Variants in KPNA1 observed in about 807,000 individuals in gnomAD.
KPNA1 encodes importin subunit alpha-5.
KPNA1 carries 10 observed loss-of-function variants against 70.5 expected under a neutral mutation model. The ratio of observed to expected loss-of-function variants is 0.14; its 90% CI spans 0.09 to 0.24. The LOEUF (loss-of-function observed/expected upper bound fraction) is 0.24. Ranked by LOEUF, KPNA1 falls within the 10% of genes least tolerant of loss-of-function variation. The pLI is 1.00. For synonymous variants in KPNA1, 192 were observed against 221.9 expected (o/e 0.87, Z 1.20); for missense variants, 397 against 637.9 (o/e 0.62, Z 4.07).
intron 9 of KPNA1, among the ~76,000 whole-genome samples, chr3:122,445,787 A>G (rs1171365457): frequency 6.6e-6 from 1 of 152,244 alleles, no homozygotes; most frequent in East Asian, 1.9e-4. Context: ...TCTCACGTGC[A>G]GAGACACACA....
intron 2 of KPNA1, among the ~76,000 whole-genome samples, chr3:122,496,048 C>A (rs904635094): frequency 6.6e-6 from 1 of 152,158 alleles, no homozygotes; most frequent in East Asian, 1.9e-4. Context: ...TATATTTTTA[C>A]ATTTCCAATT....
chr3:122,432,396 A>G (rs1269868349), intron 12 of KPNA1: 2 of 152,178 alleles, frequency 1.3e-5, no homozygotes, highest in African/African-American at 2.4e-5. Context: ...TTTCAGGTAC[A>G]TATTTCTTAT....
chr3:122,444,770 T>A (rs2076114020), intron 9 of KPNA1, among the ~76,000 whole-genome samples: 1 of 151,994 alleles, frequency 6.6e-6, no homozygotes, highest in Admixed American at 6.6e-5. Flanking sequence ...GGGTCTGGAG[T>A]GGACCTCCAG....
At chr3:122,510,717 G>A (rs538651742) in intron 1 of KPNA1, among the ~76,000 whole-genome samples, 1 of 152,202 alleles carries the variant, frequency 6.6e-6, no homozygotes, top group East Asian at 1.9e-4. Context: ...AGCAATAAAA[G>A]CAAGTCACTG....
chr3:122,437,142 AAAGAG>A (rs1218518270), intron 11 of KPNA1, 23 bp downstream of exon 11: 6 of 1,592,562 alleles, frequency 3.8e-6, no homozygotes, highest in Non-Finnish European at 5.1e-6. Flanking sequence ...AAAAATACTG[AAAGAG>A]AAGTTAGGTC....
At chr3:122,513,797 T>C (rs1382963633) in intron 1 of KPNA1, among the ~76,000 whole-genome samples, 1 of 152,172 alleles carries the variant, frequency 6.6e-6, no homozygotes, top group Non-Finnish European at 1.5e-5. Context: ...CTGGGTGTGG[T>C]TGCCCAAGAC....
At chr3:122,435,113 A>G (rs2075967348) in intron 11 of KPNA1, among the ~76,000 whole-genome samples, 2 of 152,184 alleles carry the variant, frequency 1.3e-5, no homozygotes, top group Middle Eastern at 3.2e-3. Flanking sequence ...TCATCTTTTT[A>G]TTCAAATTTT....
rs2075831359 is a variant in KPNA1, at chr3:122,426,979, A to G, written c.*6T>C. 1.9e-6 allele frequency: 3 copies of G among 1,612,762 alleles called. No homozygotes were observed. On this transcript the variant is annotated 3_prime_UTR_variant, in exon 14 of 14. Coordinates refer to ENST00000344337, the MANE Select transcript of KPNA1 (RefSeq NM_002264.4). ...TGACACAGGTACGTGAAAGCAGAGT[A>G]TTGCTTCAAAGCTGGAAACCTTCCA...
intron 12 of KPNA1, among the ~76,000 whole-genome samples, chr3:122,430,485 TTAAG>T (rs1260530816): frequency 6.8e-6 from 1 of 147,762 alleles, no homozygotes; most frequent in East Asian, 2.0e-4. Flanking sequence ...ATCAATGACA[TTAAG>T]TGAGGACTTC....
chr3:122,501,094 T>C (rs918863917), intron 1 of KPNA1, among the ~76,000 whole-genome samples: 2 of 150,346 alleles, frequency 1.3e-5, no homozygotes, highest in Non-Finnish European at 3.0e-5. Context: ...AGTGGCATGA[T>C]CTCGGCTCAC....
At chr3:122,431,251 T>C (rs909112276) in intron 12 of KPNA1, among the ~76,000 whole-genome samples, 1 of 152,190 alleles carries the variant, frequency 6.6e-6, no homozygotes, top group Admixed American at 6.5e-5. Flanking sequence ...AACCAACCTC[T>C]GCCTCCTGGG....
intron 1 of KPNA1, among the ~76,000 whole-genome samples, chr3:122,499,962 A>G (rs1358936198): frequency 6.6e-6 from 1 of 152,168 alleles, no homozygotes; most frequent in Admixed American, 6.5e-5. Context: ...CTTTGCGGGC[A>G]GTTCTGTGAC....
intron 3 of KPNA1, among the ~76,000 whole-genome samples, chr3:122,465,578 C>A (rs985163327): frequency 6.6e-6 from 1 of 152,192 alleles, no homozygotes; most frequent in Non-Finnish European, 1.5e-5. Flanking sequence ...AAGTCAAGAA[C>A]CATCCATACA....
intron 1 of KPNA1, among the ~76,000 whole-genome samples, chr3:122,503,283 AATAAATG>A (rs1338979733): frequency 6.6e-6 from 1 of 152,114 alleles, no homozygotes; most frequent in African/African-American, 2.4e-5. Flanking sequence ...AGAAAGAAAG[AATAAATG>A]ATAAATAAGG....
intron 2 of KPNA1, among the ~76,000 whole-genome samples, chr3:122,490,237 A>C (rs2076682450): frequency 1.3e-5 from 2 of 152,238 alleles, no homozygotes; most frequent in Admixed American, 1.3e-4. Flanking sequence ...TGGTCTTCAC[A>C]GACTCTGAGC....
chr3:122,502,668 A>G (rs1190852073), intron 1 of KPNA1, among the ~76,000 whole-genome samples: 1 of 152,232 alleles, frequency 6.6e-6, no homozygotes, highest in Non-Finnish European at 1.5e-5. Context: ...TGGGTGTAAT[A>G]CGGATGAGAA....
chr3:122,489,124 A>T lies in KPNA1; in HGVS notation c.129+7313T>A, dbSNP rs567409498. On this transcript the variant is annotated intron_variant, in intron 2 of 13. Transcript: ENST00000344337. The stretch of plus-strand genomic sequence containing the variant: ...GGGTGGGTTATTTTACCTCTTTTTC[A>T]TTCTTGATGGTTTCTATTCCTATGC... Among the ~76,000 whole-genome samples the T allele has an allele frequency of 8.1e-4, 118 of 145,428 alleles. 2 individuals carry two copies. Among genetic ancestry groups the T allele is most frequent in the Non-Finnish European group, 1.6e-3 (103 of 66,272 alleles).
chr3:122,509,983 AAAGG>A (rs1272969141), intron 1 of KPNA1, among the ~76,000 whole-genome samples: 1 of 152,318 alleles, frequency 6.6e-6, no homozygotes, highest in East Asian at 1.9e-4. Context: ...AGATTGGGGT[AAAGG>A]AAGATCACAT....
chr3:122,463,115 G>A (rs1179931646), intron 4 of KPNA1, among the ~76,000 whole-genome samples: 1 of 152,148 alleles, frequency 6.6e-6, no homozygotes, highest in Non-Finnish European at 1.5e-5. Context: ...ACTTTGGGAG[G>A]CCGAGGCAGG....
Sources: allele counts gnomAD v4.1 joint callset (sites outside exome capture counted in the v4.1 genomes callset), GRCh38; gene constraint gnomAD v4.1.1; transcripts MANE v1.5; gene names NCBI Gene and HGNC (gene_info 2026-07-23, HGNC 2026-07-21).